The following CYREN variants were observed in gnomAD, a reference collection of about 807,000 sequenced individuals.
CYREN encodes cell cycle regulator of NHEJ, also known as cell cycle regulator of non-homologous end joining.
A neutral mutation model predicts 9.7 loss-of-function variants in CYREN; 7 were observed. The observed-to-expected ratio is 0.72, with a 90% confidence interval of 0.41 to 1.36. The LOEUF (loss-of-function observed/expected upper bound fraction) is 1.36. Ranked by LOEUF, CYREN falls within the 40% of genes most tolerant of loss-of-function variation. The probability of loss-of-function intolerance (pLI) is 0.01; values close to 1 mark genes in which losing one functional copy is unlikely to be tolerated. For missense variants in CYREN, 215 were observed against 198.1 expected (o/e 1.09, Z -0.51); for synonymous variants, 76 against 77.9 (o/e 0.98, Z 0.13).
chr7:135,154,843 T>C (rs1829750246), intron 2 of CYREN, among the ~76,000 whole-genome samples: 1 of 152,198 alleles, frequency 6.6e-6, no homozygotes. Context: ...GGTAGAATGT[T>C]TTATAAGTCC....
chr7:135,115,349 C>G, intron 2 of CYREN: 2 of 1,374,602 alleles, frequency 1.5e-6, no homozygotes, highest in Non-Finnish European at 2.0e-6. Flanking sequence ...GAGTTCATAT[C>G]TCTGTACATA....
chr7:135,134,708 G>A (rs942980469), intron 2 of CYREN: 5 of 842,220 alleles, frequency 5.9e-6, no homozygotes, highest in Non-Finnish European at 8.8e-6. Flanking sequence ...CTAAATGATG[G>A]TAAAATTCTT....
At position 135,128,308 on chromosome 7, in the gene CYREN, A is replaced by C. The variant is rs1397936244; in HGVS notation, n.357-33726T>G. 45 of 247,470 alleles carry C rather than the reference A, an allele frequency of 1.8e-4. No homozygotes were observed. In the Admixed American group the frequency reaches 1.9e-3, roughly 11 times the overall value. 15.3% of individuals were successfully genotyped at this position (247,470 alleles called of 1,614,324 possible). On this transcript the variant is annotated intron_variant and non_coding_transcript_variant, in intron 2 of 2. Coordinates refer to the CYREN transcript ENST00000459937. ...CTCCATCTCAAAAAAAAAAAAAAAA[A>C]AAAAAAAAAAACGAAAAAAAAAAAC...
chr7:135,113,921 G>T (rs1825973535), intron 2 of CYREN, among the ~76,000 whole-genome samples: 1 of 152,204 alleles, frequency 6.6e-6, no homozygotes, highest in Non-Finnish European at 1.5e-5. Context: ...AAATTAGGAA[G>T]TGGAGTCAAA....
chr7:135,164,980 G>C (rs1321780332), downstream of CYREN: 1 of 1,599,688 alleles, frequency 6.3e-7, no homozygotes, highest in Non-Finnish European at 8.5e-7. Flanking sequence ...AGGGCTGAGA[G>C]CAAGCTTGAG....
chr7:135,111,694 T>C (rs946161111), intron 2 of CYREN, among the ~76,000 whole-genome samples: 1 of 152,230 alleles, frequency 6.6e-6, no homozygotes, highest in Non-Finnish European at 1.5e-5. Context: ...TAGCCATTCA[T>C]GAAACGTGTT....
At chr7:135,092,548 C>T (rs1822005648) in exon 3 of CYREN, 1 of 152,128 alleles carries the variant, frequency 6.6e-6, no homozygotes, top group Admixed American at 6.6e-5. Context: ...GTGCCAGACA[C>T]TTGGGTACAA....
At chr7:135,117,343 C>T (rs1455254705) in intron 2 of CYREN, among the ~76,000 whole-genome samples, 1 of 145,472 alleles carries the variant, frequency 6.9e-6, no homozygotes, top group Non-Finnish European at 1.5e-5. Flanking sequence ...TTCATTTTGG[C>T]TTAAGAACAG....
chr7:135,140,448 C>A (rs185831094), intron 2 of CYREN, among the ~76,000 whole-genome samples: 69 of 152,086 alleles, frequency 4.5e-4, no homozygotes, highest in African/African-American at 1.6e-3. Context: ...CTTAGCAGAT[C>A]TAGGAGCCTT....
At chr7:135,128,876 C>T in intron 2 of CYREN, 2 of 1,342,170 alleles carry the variant, frequency 1.5e-6, no homozygotes, top group Non-Finnish European at 2.1e-6. Flanking sequence ...AAATCTTGGA[C>T]TTTGATCAAG....
chr7:135,137,870 G>T (rs1318155682), intron 2 of CYREN, among the ~76,000 whole-genome samples: 1 of 152,018 alleles, frequency 6.6e-6, no homozygotes, highest in Non-Finnish European at 1.5e-5. Context: ...TGGCCTTCTT[G>T]TTGTATCCTC....
At chr7:135,128,635 T>C (rs1828292851) in intron 2 of CYREN, 1 of 849,328 alleles carries the variant, frequency 1.2e-6, no homozygotes, top group African/African-American at 1.7e-5. Context: ...GTGATCCCGT[T>C]TGCCTGGATG....
chr7:135,168,824 C>T lies in CYREN; in HGVS notation c.99G>A (p.Lys33=), dbSNP rs574704701. 138 of 1,614,160 alleles carry T rather than the reference C, an allele frequency of 8.5e-5. No individual in the cohort carries two copies. The South Asian group carries it at 1.4e-3, about 17-fold the overall frequency. ...CTGGCACTGCTGCCATTCTCATCCTCTTGGGGGCCTTCATTGGTGCCACAT... is the reference window on the plus strand; with the variant it reads ...CTGGCACTGCTGCCATTCTCATCCTTTTGGGGGCCTTCATTGGTGCCACAT... ...TKNVAPMKAP[K]RMRMAAVPVA... Residue 33 remains lysine, a synonymous_variant, in exon 2 of 4, where the codon AAG becomes AAA. Coordinates refer to ENST00000393114, the MANE Select transcript of CYREN (RefSeq NM_024033.4).
intron 2 of CYREN, among the ~76,000 whole-genome samples, chr7:135,121,980 T>C (rs893167246): frequency 2.6e-5 from 4 of 152,164 alleles, no homozygotes; most frequent in African/African-American, 9.7e-5. Context: ...AGTTTCTCAA[T>C]AGCCTCTTAG....
chr7:135,108,956 T>C (rs1380429953), intron 2 of CYREN, among the ~76,000 whole-genome samples: 2 of 152,250 alleles, frequency 1.3e-5, no homozygotes, highest in Non-Finnish European at 2.9e-5. Flanking sequence ...CAAGATTCTT[T>C]CCTCAGCTTG....
chr7:135,139,649 G>A (rs1829417024), intron 2 of CYREN, among the ~76,000 whole-genome samples: 1 of 151,930 alleles, frequency 6.6e-6, no homozygotes, highest in South Asian at 2.1e-4. Context: ...ATTTGCCAGG[G>A]CCTATGTCCA....
chr7:135,138,468 GTTAT>G (rs1829394639), intron 2 of CYREN, among the ~76,000 whole-genome samples: 1 of 151,908 alleles, frequency 6.6e-6, no homozygotes, highest in East Asian at 1.9e-4. Flanking sequence ...GTGGTATAGG[GTTAT>G]TTGAGAAAGG....
chr7:135,135,124 AAG>A (rs1313040375), intron 2 of CYREN: 1 of 1,551,160 alleles, frequency 6.4e-7, no homozygotes, highest in African/African-American at 1.4e-5. Flanking sequence ...TCTAAAATAT[AAG>A]AGTCTTCAAG....
downstream of CYREN, among the ~76,000 whole-genome samples, chr7:135,160,894 G>C (rs1829918347): frequency 6.6e-6 from 1 of 152,198 alleles, no homozygotes; most frequent in Non-Finnish European, 1.5e-5. Context: ...TTGCTGCATG[G>C]ATCAGATTTA....
Sources: gnomAD v4.1 joint callset for allele counts (sites outside exome capture counted in the v4.1 genomes callset) on GRCh38, gnomAD v4.1.1 for gene constraint, MANE v1.5 for transcripts, NCBI Gene and HGNC (gene_info 2026-07-23, HGNC 2026-07-21) for gene names.